Variants in NRG2 observed in about 807,000 individuals in gnomAD.
NRG2 encodes pro-neuregulin-2, membrane-bound isoform.
In NRG2, 27 loss-of-function variants were observed where a neutral mutation model predicts 73.9. The ratio of observed to expected loss-of-function variants is 0.37; its 90% CI spans 0.27 to 0.50. NRG2 has a LOEUF of 0.50. NRG2 is among the 20% of genes least tolerant of loss of function. NRG2 has a pLI of 0.96. For synonymous variants in NRG2, 532 were observed against 541.0 expected (o/e 0.98, Z 0.23); for missense variants, 1,126 against 1,210.1 (o/e 0.93, Z 1.03).
In NRG2 at chr5:139,859,929, G is replaced by GT. The variant is rs765874572; in HGVS notation, c.1190-4152_1190-4151insA. ...CAAGGTGCTCTGGCAGTGCAGAAGA[G>GT]CGAGGGTCACAAAGGGAGGGGTGGA... On this transcript the variant is annotated intron_variant, in intron 5 of 9. Coordinates refer to ENST00000361474, the MANE Select transcript of NRG2 (RefSeq NM_004883.3). The GT allele has an allele frequency of 3.2e-5, 51 of 1,598,684 alleles. 1 individual carries two copies. The African/African-American group carries it at 6.7e-4, about 21-fold the overall frequency.
intron 1 of NRG2, among the ~76,000 whole-genome samples, chr5:139,952,076 T>C (rs1459229769): frequency 2.6e-5 from 4 of 152,216 alleles, no homozygotes; most frequent in Non-Finnish European, 5.9e-5. Flanking sequence ...ATACTTTCCT[T>C]GTGTGTAAAA....
chr5:139,862,222 C>G (rs1423842417), intron 5 of NRG2, among the ~76,000 whole-genome samples: 1 of 152,182 alleles, frequency 6.6e-6, no homozygotes, highest in African/African-American at 2.4e-5. Flanking sequence ...ATAGTAGCAG[C>G]TGCAGCTTCT....
chr5:139,847,098 C>A lies in NRG2; in HGVS notation c.*819G>T, dbSNP rs1761045368. The stretch of plus-strand genomic sequence containing the variant: ...GTCCCAGCGTGACCATGCATCCAAT[C>A]TAAAGAATCTGAAATGCAAAGGACA... On this transcript the variant is annotated 3_prime_UTR_variant, in exon 10 of 10. Coordinates refer to ENST00000361474, the MANE Select transcript of NRG2 (RefSeq NM_004883.3). 6.6e-6 allele frequency: 1 copy of A among 152,146 alleles called. No homozygotes were observed. The highest frequency in any genetic ancestry group is 1.5e-5 in the Non-Finnish European group (1 of 68,026). 9.4% of individuals were successfully genotyped at this position (152,146 alleles called of 1,614,324 possible). A position where few individuals can be genotyped will look rare whatever the true frequency, so the allele number is the denominator to read the frequency against.
intron 1 of NRG2, among the ~76,000 whole-genome samples, chr5:139,962,768 G>A (rs1755175410): frequency 6.6e-6 from 1 of 152,198 alleles, no homozygotes; most frequent in Non-Finnish European, 1.5e-5. Flanking sequence ...AGGTCCTGCA[G>A]TAAGTCAGCA....
At chr5:139,978,813 T>C (rs938327817) in intron 1 of NRG2, among the ~76,000 whole-genome samples, 3 of 151,960 alleles carry the variant, frequency 2.0e-5, no homozygotes, top group Non-Finnish European at 4.4e-5. Context: ...CTATTCACAA[T>C]AGCAAAGACT....
intron 1 of NRG2, among the ~76,000 whole-genome samples, chr5:139,918,979 G>C (rs1238413739): frequency 6.6e-6 from 1 of 152,184 alleles, no homozygotes; most frequent in Non-Finnish European, 1.5e-5. Flanking sequence ...GAAGAATAGG[G>C]TGAGTCAACA....
chr5:139,890,003 T>G lies in NRG2; in HGVS notation c.701-2492A>C, dbSNP rs534723313. On this transcript the variant is annotated intron_variant, in intron 1 of 9. Transcript: ENST00000361474. ...TTTCCTAAGGCGATCTTCCTAAAAGTGGAATTGCTGCGTCAGAAGGTATGC... is the reference window on the plus strand; with the variant it reads ...TTTCCTAAGGCGATCTTCCTAAAAGGGGAATTGCTGCGTCAGAAGGTATGC... Among the ~76,000 whole-genome samples, 3 of 152,308 alleles carry G rather than the reference T, an allele frequency of 2.0e-5. No homozygotes were observed. The East Asian group carries it at 5.8e-4, about 29-fold the overall frequency.
intron 1 of NRG2, among the ~76,000 whole-genome samples, chr5:139,978,338 GA>G (rs1756530929): frequency 6.6e-6 from 1 of 152,192 alleles, no homozygotes; most frequent in Non-Finnish European, 1.5e-5. Context: ...AAAGACACAT[GA>G]AAAAATGCTC....
chr5:139,848,309 G>T lies in NRG2; in HGVS notation c.2161C>A (p.Pro721Thr). 2 of 1,178,104 alleles carry T rather than the reference G, an allele frequency of 1.7e-6. No individual in the cohort carries two copies. Among genetic ancestry groups the T allele is most frequent in the Non-Finnish European group, 2.1e-6 (2 of 954,342 alleles). The allele number at this position is 1,178,104 out of a possible 1,614,324, so 73.0% of individuals were successfully genotyped here. Residue 721 changes from proline (P) to threonine (T), a missense_variant, in exon 10 of 10, where the codon CCC becomes ACC. By Grantham distance (38) the Pro-to-Thr change is conservative. Transcript: ENST00000361474. ...GCGCGCGGCCGCGGCGGCGGCGGGG[G>T]CGCGCACTCCTGCGTGGTCTCGTAC... ...DEYETTQECA[P>T]PPPPRPRARG...
At chr5:139,916,830 C>A (rs756590685) in intron 1 of NRG2, among the ~76,000 whole-genome samples, 7 of 152,204 alleles carry the variant, frequency 4.6e-5, no homozygotes, top group Admixed American at 4.6e-4. Flanking sequence ...TTCTACTTTT[C>A]GGCTATTACA....
intron 1 of NRG2, among the ~76,000 whole-genome samples, chr5:139,984,471 G>A (rs180863290): frequency 1.1e-4 from 16 of 152,232 alleles, no homozygotes; most frequent in Admixed American, 3.9e-4. Context: ...GAAAATTTCC[G>A]AGACTTTATT....
At chr5:139,965,236 G>A (rs1292418334) in intron 1 of NRG2, among the ~76,000 whole-genome samples, 1 of 152,224 alleles carries the variant, frequency 6.6e-6, no homozygotes, top group South Asian at 2.1e-4. Context: ...AACTACGTGG[G>A]GGAGATGGGT....
At chr5:139,861,739 C>T (rs1470055326) in intron 5 of NRG2, 2 of 517,396 alleles carry the variant, frequency 3.9e-6, no homozygotes. Flanking sequence ...GCTGAGTAGA[C>T]AGTACAAACT....
chr5:139,850,145 G>A (rs1387605203), intron 9 of NRG2, among the ~76,000 whole-genome samples: 2 of 152,208 alleles, frequency 1.3e-5, no homozygotes, highest in Non-Finnish European at 2.9e-5. Context: ...TCATTGCTGT[G>A]GTTACGATTC....
rs985890965 is a variant in NRG2, at chr5:139,894,111, G to A, written c.701-6600C>T. On this transcript the variant is annotated intron_variant, in intron 1 of 9. Transcript: ENST00000361474. This position sits in a 1 kb window ranked among gnomAD's most constrained non-coding sequence, Gnocchi z 5.0. ...AACCTCATTCCTCTCGGCAGTGGGC[G>A]GTGGGTGCGGAGCCTACTCAGATCT... Among the ~76,000 whole-genome samples, 7 of 152,226 alleles carry A rather than the reference G, an allele frequency of 4.6e-5. No homozygotes were observed. Among genetic ancestry groups the A allele is most frequent in the Non-Finnish European group, 8.8e-5 (6 of 68,032 alleles).
At chr5:139,940,390 C>A (rs1290068966) in intron 1 of NRG2, among the ~76,000 whole-genome samples, 1 of 152,172 alleles carries the variant, frequency 6.6e-6, no homozygotes, top group Non-Finnish European at 1.5e-5. Context: ...TGACAGAAAG[C>A]AAATCAATTA....
At chr5:140,010,924 C>A (rs1759314802) in intron 1 of NRG2, among the ~76,000 whole-genome samples, 1 of 152,246 alleles carries the variant, frequency 6.6e-6, no homozygotes, top group Admixed American at 6.5e-5. Flanking sequence ...TTCATAAGGC[C>A]TACTGCCTTG....
intron 9 of NRG2, among the ~76,000 whole-genome samples, chr5:139,849,706 T>C (rs112424277): frequency 0.023 from 3,507 of 152,206 alleles, 57 homozygotes; most frequent in Middle Eastern, 0.075. Context: ...TTTTTCTGAA[T>C]CGCCTGACTC....
intron 1 of NRG2, among the ~76,000 whole-genome samples, chr5:139,985,209 A>G (rs867263742): frequency 6.6e-6 from 1 of 151,902 alleles, no homozygotes; most frequent in East Asian, 1.9e-4. Context: ...GTGTGGTGGC[A>G]CACACCTGTA....
Sources: gnomAD v4.1 joint callset for allele counts (sites outside exome capture counted in the v4.1 genomes callset) on GRCh38, gnomAD v4.1.1 for gene constraint, Gnocchi (gnomAD v3.1) non-coding constraint, MANE v1.5 for transcripts, NCBI Gene and HGNC (gene_info 2026-07-23, HGNC 2026-07-21) for gene names.